Variants in IL1R1 observed in about 807,000 individuals in gnomAD.
The protein encoded by IL1R1 is interleukin 1 receptor type 1, also known as interleukin-1 receptor type 1.
In IL1R1, 22 loss-of-function variants were observed where a neutral mutation model predicts 50.2. That is an observed-to-expected ratio of 0.44 (90% CI 0.31 to 0.63). The LOEUF (loss-of-function observed/expected upper bound fraction) is 0.63, where lower values mean the gene tolerates loss of function less well. IL1R1 is among the 20% of genes least tolerant of loss of function. The probability of loss-of-function intolerance (pLI) is 0.07; values close to 1 mark genes in which losing one functional copy is unlikely to be tolerated. For synonymous variants in IL1R1, 251 were observed against 236.7 expected (o/e 1.06, Z -0.55); for missense variants, 509 against 676.2 (o/e 0.75, Z 2.74).
intron 1 of IL1R1, among the ~76,000 whole-genome samples, chr2:102,115,008 C>T (rs1680988728): frequency 6.6e-6 from 1 of 152,084 alleles, no homozygotes; most frequent in South Asian, 2.1e-4. Flanking sequence ...GGAAATGTCT[C>T]CTGAATGGAA....
chr2:102,150,108 C>T (rs1234833268), intron 1 of IL1R1, among the ~76,000 whole-genome samples: 2 of 152,144 alleles, frequency 1.3e-5, no homozygotes, highest in Non-Finnish European at 2.9e-5. Flanking sequence ...AATGGAATTC[C>T]TCAACATTGT....
At chr2:102,105,358 TTTTAA>T (rs1159897700) in intron 1 of IL1R1, among the ~76,000 whole-genome samples, 1 of 152,120 alleles carries the variant, frequency 6.6e-6, no homozygotes, top group Non-Finnish European at 1.5e-5. Context: ...TATGTTTTCT[TTTTAA>T]TTTATTTTTT....
intron 1 of IL1R1, among the ~76,000 whole-genome samples, chr2:102,123,777 TAATAAAATAAAATAAAATAAAATAA>T (rs57287555): frequency 2.7e-5 from 4 of 148,942 alleles, no homozygotes; most frequent in African/African-American, 7.4e-5. Context: ...GACTGTGTCT[TAATAAAATAAAATAAAATAAAATAA>T]AATAAAATAA....
At position 102,168,606 on chromosome 2, in the gene IL1R1, A is replaced by C; in HGVS notation, c.664A>C (p.Lys222Gln). ...GGATGTTTTTCTTTCAGAGGAAAAC[A>C]AACCCACAAGGCCTGTGATTGTGAG... ...VIEFITLEEN[K>Q]PTRPVIVSPA... Residue 222 changes from lysine (K) to glutamine (Q), a missense_variant, in exon 7 of 12, where the codon AAA becomes CAA. Coordinates refer to ENST00000410023, the MANE Select transcript of IL1R1 (RefSeq NM_000877.4). 1 of 1,614,014 alleles carries C rather than the reference A, an allele frequency of 6.2e-7. No individual in the cohort carries two copies. The highest frequency in any genetic ancestry group is 8.5e-7 in the Non-Finnish European group (1 of 1,179,864).
chr2:102,089,254 A>G (rs1679556553), intron 1 of IL1R1, among the ~76,000 whole-genome samples: 1 of 152,204 alleles, frequency 6.6e-6, no homozygotes, highest in Admixed American at 6.5e-5. Context: ...TTGAATGCTT[A>G]GAGGTCTTTG....
intron 1 of IL1R1, among the ~76,000 whole-genome samples, chr2:102,088,956 T>C (rs1001794798): frequency 6.6e-6 from 1 of 152,250 alleles, no homozygotes; most frequent in Non-Finnish European, 1.5e-5. Context: ...AGTTAGGGCC[T>C]TGCTCTGTGT....
At chr2:102,140,012 C>T (rs1682555955), upstream of IL1R1, among the ~76,000 whole-genome samples, 1 of 152,132 alleles carries the variant, frequency 6.6e-6, no homozygotes, top group African/African-American at 2.4e-5. Context: ...AGAGCAGCTC[C>T]CTCCCTCTGC....
intron 1 of IL1R1, among the ~76,000 whole-genome samples, chr2:102,148,819 T>C (rs143603573): frequency 1.3e-5 from 2 of 152,158 alleles, no homozygotes; most frequent in Non-Finnish European, 2.9e-5. Context: ...TTTTTAACAA[T>C]GATGGGGACT....
intron 1 of IL1R1, among the ~76,000 whole-genome samples, chr2:102,094,486 C>T (rs930416037): frequency 6.6e-6 from 1 of 152,178 alleles, no homozygotes; most frequent in Non-Finnish European, 1.5e-5. Context: ...GCTATTCTTG[C>T]TAACAGTACA....
chr2:102,114,549 G>A (rs372143975), intron 1 of IL1R1, among the ~76,000 whole-genome samples: 15 of 152,322 alleles, frequency 9.8e-5, no homozygotes, highest in South Asian at 4.1e-4. Flanking sequence ...CGAGATTAAC[G>A]TAGTGGGTTT....
At chr2:102,147,257 A>G (rs972454385) in intron 1 of IL1R1, among the ~76,000 whole-genome samples, 2 of 152,244 alleles carry the variant, frequency 1.3e-5, no homozygotes, top group African/African-American at 4.8e-5. Flanking sequence ...AATATGGTGA[A>G]AAATATTTAC....
chr2:102,148,933 A>G (rs1683392113), intron 1 of IL1R1, among the ~76,000 whole-genome samples: 1 of 151,144 alleles, frequency 6.6e-6, no homozygotes, highest in Admixed American at 6.6e-5. Flanking sequence ...TAACAGAGCA[A>G]GACTCTGTCT....
In IL1R1 at chr2:102,099,086, A is replaced by C. The variant is rs992672170; in HGVS notation, c.-84+28553A>C. 2.6e-5 allele frequency among the ~76,000 whole-genome samples: 4 copies of C among 152,194 alleles called. 1 individual carries two copies. Among genetic ancestry groups the C allele is most frequent in the African/African-American group, 9.7e-5 (4 of 41,450 alleles). ...TAACTAAAAAAGGCACCGCGCCCAA[A>C]GTTCACAGAAATATACATCGAGGCA... On this transcript the variant is annotated intron_variant, in intron 1 of 11. Transcript: ENST00000409929.
rs1208674061 is a variant in IL1R1, at chr2:102,142,774, T to C, written c.-330T>C. The C allele has an allele frequency of 4.7e-5, 7 of 148,800 alleles. No homozygotes were observed. The highest frequency in any genetic ancestry group is 1.0e-4 in the Non-Finnish European group (7 of 67,012). 9.2% of individuals were successfully genotyped at this position (148,800 alleles called of 1,614,324 possible). On this transcript the variant is annotated 5_prime_UTR_variant, in exon 1 of 12. Transcript: ENST00000410023. ...TCCCGGCCGCGAGGGCGGGCGCAGC[T>C]TGTGGCCGGCGGCCGGAGCCGACTC...
chr2:102,122,561 G>C (rs1363423139), intron 1 of IL1R1, among the ~76,000 whole-genome samples: 1 of 152,212 alleles, frequency 6.6e-6, no homozygotes, highest in East Asian at 1.9e-4. Flanking sequence ...GTGATTTTAA[G>C]TATCAGGATC....
At chr2:102,140,444 A>G (rs1050809970), upstream of IL1R1, among the ~76,000 whole-genome samples, 3 of 152,226 alleles carry the variant, frequency 2.0e-5, no homozygotes, top group African/African-American at 7.2e-5. Flanking sequence ...CTGAATGATA[A>G]GCATTTCAGA....
At chr2:102,141,344 C>T (rs2104438682), upstream of IL1R1, among the ~76,000 whole-genome samples, 1 of 152,314 alleles carries the variant, frequency 6.6e-6, no homozygotes, top group African/African-American at 2.4e-5. Context: ...GTCATGTCCT[C>T]CGGTGATTCT....
At chr2:102,094,109 A>T (rs1266202454) in intron 1 of IL1R1, among the ~76,000 whole-genome samples, 1 of 152,254 alleles carries the variant, frequency 6.6e-6, no homozygotes, top group Non-Finnish European at 1.5e-5. Flanking sequence ...CAATTTCATC[A>T]TGCAAGTACT....
chr2:102,119,287 CT>C (rs1470032827), intron 1 of IL1R1, among the ~76,000 whole-genome samples: 1 of 152,182 alleles, frequency 6.6e-6, no homozygotes, highest in African/African-American at 2.4e-5. Context: ...GAGGGCATTT[CT>C]TCTCAAAACA....
Sources: allele counts gnomAD v4.1 joint callset (sites outside exome capture counted in the v4.1 genomes callset), GRCh38; gene constraint gnomAD v4.1.1; transcripts MANE v1.5; gene names NCBI Gene and HGNC (gene_info 2026-07-23, HGNC 2026-07-21).